CADPS: variants seen among roughly 807,000 people sequenced by gnomAD.
The protein encoded by CADPS is calcium dependent secretion activator.
In CADPS, 57 loss-of-function variants were observed where a neutral mutation model predicts 167.3. That is an observed-to-expected ratio of 0.34 (90% CI 0.28 to 0.42). The LOEUF (loss-of-function observed/expected upper bound fraction) is 0.42, where lower values mean the gene tolerates loss of function less well. Ranked by LOEUF, CADPS falls within the 20% of genes least tolerant of loss-of-function variation. CADPS has a pLI of 1.00. For synonymous variants in CADPS, 676 were observed against 635.3 expected (o/e 1.06, Z -0.96); for missense variants, 1,414 against 1,738.1 (o/e 0.81, Z 3.32).
At chr3:62,669,469 C>T (rs910605315) in intron 3 of CADPS, among the ~76,000 whole-genome samples, 1 of 152,204 alleles carries the variant, frequency 6.6e-6, no homozygotes, top group Admixed American at 6.5e-5. Flanking sequence ...GGGGTTTGAA[C>T]TGTGGCTGTT....
intron 26 of CADPS, among the ~76,000 whole-genome samples, chr3:62,456,773 A>AC (rs1477898276): frequency 7.2e-5 from 11 of 151,900 alleles, no homozygotes; most frequent in African/African-American, 1.2e-4. Context: ...TAAAAAAAAA[A>AC]AAAAAACCCA....
intron 21 of CADPS, among the ~76,000 whole-genome samples, chr3:62,482,717 G>A (rs775789324): frequency 1.3e-5 from 2 of 152,320 alleles, no homozygotes; most frequent in Admixed American, 6.5e-5. Context: ...CAGACACTGG[G>A]AGAAAGCATG....
chr3:62,603,829 G>A (rs912899176), intron 6 of CADPS, among the ~76,000 whole-genome samples: 19 of 151,706 alleles, frequency 1.3e-4, no homozygotes, highest in Admixed American at 9.9e-4. Context: ...CTATCTGTAT[G>A]CTGTGTTTTT....
chr3:62,561,141 G>A (rs993339419), intron 9 of CADPS, among the ~76,000 whole-genome samples: 1 of 151,750 alleles, frequency 6.6e-6, no homozygotes, highest in Admixed American at 6.6e-5. Flanking sequence ...ATAGTGTGTG[G>A]GGGGTGAGGG....
At chr3:62,562,578 T>C (rs1387297307) in intron 9 of CADPS, among the ~76,000 whole-genome samples, 2 of 152,176 alleles carry the variant, frequency 1.3e-5, no homozygotes, top group African/African-American at 2.4e-5. Flanking sequence ...CAGGTGATCG[T>C]CCCAGCTCAG....
chr3:62,695,753 C>G (rs1298435425), intron 3 of CADPS, among the ~76,000 whole-genome samples: 1 of 152,060 alleles, frequency 6.6e-6, no homozygotes, highest in Non-Finnish European at 1.5e-5. Flanking sequence ...TCACCACATC[C>G]TTGACCTCCT....
At chr3:62,571,072 G>T in intron 8 of CADPS, 134 bp from the exon 9 acceptor site, 1 of 677,998 alleles carries the variant, frequency 1.5e-6, no homozygotes, top group Non-Finnish European at 2.7e-6. Flanking sequence ...AGATTTTGGA[G>T]CTCTGTGGTT....
chr3:62,484,329 A>G (rs1020783655), intron 21 of CADPS, among the ~76,000 whole-genome samples: 4 of 152,208 alleles, frequency 2.6e-5, no homozygotes, highest in African/African-American at 9.6e-5. Context: ...ATATTTTACT[A>G]ATATACATGT....
intron 1 of CADPS, among the ~76,000 whole-genome samples, chr3:62,790,106 TATA>T (rs2092803025): frequency 1.3e-5 from 2 of 152,148 alleles, no homozygotes; most frequent in Admixed American, 1.3e-4. Flanking sequence ...GATATTATCA[TATA>T]ATGAAATAAT....
At chr3:62,866,980 C>T (rs1015417247) in intron 1 of CADPS, among the ~76,000 whole-genome samples, 1 of 151,956 alleles carries the variant, frequency 6.6e-6, no homozygotes, top group Non-Finnish European at 1.5e-5. Flanking sequence ...AGTCTCTGTA[C>T]GCTATTGCAT....
chr3:62,542,096 A>G (rs552515490), intron 11 of CADPS, among the ~76,000 whole-genome samples: 2 of 152,166 alleles, frequency 1.3e-5, no homozygotes, highest in Non-Finnish European at 2.9e-5. Flanking sequence ...TCACTGTTGA[A>G]AATAATTATG....
At chr3:62,475,845 C>A (rs1044916933) in intron 23 of CADPS, among the ~76,000 whole-genome samples, 2 of 152,054 alleles carry the variant, frequency 1.3e-5, no homozygotes, top group African/African-American at 2.4e-5. Context: ...GTGCCAGTTC[C>A]GGCCCAATTT....
At chr3:62,773,073 C>T (rs1048241524) in intron 1 of CADPS, among the ~76,000 whole-genome samples, 1 of 99,482 alleles carries the variant, frequency 1.0e-5, no homozygotes, top group Admixed American at 1.1e-4. Context: ...GTCAACTCAA[C>T]AAGTGTTTAA....
intron 29 of CADPS, among the ~76,000 whole-genome samples, chr3:62,400,985 A>G (rs1043079869): frequency 1.3e-5 from 2 of 152,212 alleles, no homozygotes; most frequent in African/African-American, 2.4e-5. Flanking sequence ...ACATGTTGTA[A>G]TGACTACAGA....
At chr3:62,599,863 T>A (rs1424568782) in intron 6 of CADPS, among the ~76,000 whole-genome samples, 2 of 66,696 alleles carry the variant, frequency 3.0e-5, no homozygotes, top group African/African-American at 8.0e-5. Context: ...ATATATATAA[T>A]ATATAATAAT....
At chr3:62,699,446 C>A (rs1318244230) in intron 3 of CADPS, among the ~76,000 whole-genome samples, 2 of 152,134 alleles carry the variant, frequency 1.3e-5, no homozygotes, top group African/African-American at 4.8e-5. Context: ...TCTAAGTGAA[C>A]TGAGGTGTGA....
chr3:62,467,596 G>T (rs893539756), intron 24 of CADPS, among the ~76,000 whole-genome samples: 15 of 152,050 alleles, frequency 9.9e-5, no homozygotes, highest in Non-Finnish European at 1.5e-5. Flanking sequence ...GCAAAGTTGG[G>T]AAGTCATGTT....
Position 62,585,308 on chromosome 3 carries a change from G to A in CADPS, c.1454C>T (p.Thr485Ile). ...KELGRVILHP[T>I]PNSPKQSEWH... ...CTCTGACTGTTTGGGGCTGTTCGGG[G>A]TGGGATGGAGAATAACCTGTAGGGG... is the stretch of plus-strand genomic sequence containing the variant. Residue 485 changes from threonine to isoleucine, a missense_variant, in exon 8 of 30, where the codon ACC becomes ATC. Thr to Ile is a moderately conservative substitution (Grantham distance 89, BLOSUM62 -1). Around this residue, in one of 6 missense-constraint regions of CADPS, gnomAD observed 157 missense variants for 229.4 expected, o/e 0.68. Transcript: ENST00000383710. 1 of 1,610,094 alleles carries A rather than the reference G, an allele frequency of 6.2e-7. No homozygotes were observed. Among genetic ancestry groups the A allele is most frequent in the African/African-American group, 1.3e-5 (1 of 74,868 alleles).
At chr3:62,676,752 G>A (rs991806894) in intron 3 of CADPS, among the ~76,000 whole-genome samples, 15 of 152,186 alleles carry the variant, frequency 9.9e-5, no homozygotes, top group South Asian at 2.1e-4. Context: ...ATGCCACAAG[G>A]CCCCTGCTGG....
Sources: allele counts gnomAD v4.1 joint callset (sites outside exome capture counted in the v4.1 genomes callset), GRCh38; gene constraint gnomAD v4.1.1; regional missense constraint gnomAD v4.1.1; transcripts MANE v1.5; gene names NCBI Gene and HGNC (gene_info 2026-07-23, HGNC 2026-07-21).